Variants in ZKSCAN7 observed in about 807,000 individuals in gnomAD.
The protein encoded by ZKSCAN7 is zinc finger protein with KRAB and SCAN domains 7.
ZKSCAN7 carries 38 observed loss-of-function variants against 65.3 expected under a neutral mutation model. The ratio of observed to expected loss-of-function variants is 0.58; its 90% confidence interval spans 0.45 to 0.76. The LOEUF (loss-of-function observed/expected upper bound fraction) is 0.76, where lower values mean the gene tolerates loss of function less well. ZKSCAN7 is among the 30% of genes least tolerant of loss of function. ZKSCAN7 has a pLI of 0.00. For synonymous variants in ZKSCAN7, 321 were observed against 321.0 expected, an observed-to-expected ratio of 1.00 and a Z score of 0.00; for missense variants, 815 against 913.3, an observed-to-expected ratio of 0.89 and a Z score of 1.39.
Position 44,570,205 on chromosome 3 carries a change from T to C in ZKSCAN7, c.1095T>C (p.Pro365=), listed in dbSNP as rs1210673864. The C allele has an allele frequency of 1.2e-6, 2 of 1,614,214 alleles. No individual in the cohort carries two copies. Among genetic ancestry groups the C allele is most frequent in the Middle Eastern group, 1.6e-4 (1 of 6,062 alleles). ...DKYKEVGEHP[P]LSSSPVEHEG... ...ATAAGGAAGTTGGGGAACATCCACCTCTGTCTTCCAGTCCTGTTGAACATG... is the reference window on the plus strand; with the variant it reads ...ATAAGGAAGTTGGGGAACATCCACCCCTGTCTTCCAGTCCTGTTGAACATG... Residue 365 remains proline, a synonymous_variant, in exon 6 of 6, where the codon CCT becomes CCC. Transcript: ENST00000426540.
Position 44,569,968 on chromosome 3 carries a change from A to C in ZKSCAN7, c.858A>C (p.Glu286Asp), listed in dbSNP as rs749028763. Residue 286 changes from glutamate (E) to aspartate (D), a missense_variant, in exon 6 of 6, where the codon GAA becomes GAC. Physicochemically the swap from Glu to Asp is conservative, Grantham distance 45 (BLOSUM62 2). Around this residue, in one of 3 missense-constraint regions of ZKSCAN7, gnomAD observed 578 missense variants for 629.5 expected, o/e 0.92. Transcript: ENST00000426540. ...GTTCAGAGTTGACTCCAAAGCAGGA[A>C]TTTTTTAAAGGATCAGAGTCATCTA... The part of the protein sequence containing the change: ...MKGSELTPKQ[E>D]FFKGSESSNR... 23 of 1,573,780 alleles carry C rather than the reference A, an allele frequency of 1.5e-5. No individual in the cohort carries two copies. The highest frequency in any genetic ancestry group is 3.4e-4 in the Middle Eastern group (2 of 5,830).
intron 5 of ZKSCAN7, among the ~76,000 whole-genome samples, chr3:44,582,588 T>C (rs144286790): frequency 6.6e-6 from 1 of 152,300 alleles, no homozygotes; most frequent in East Asian, 1.9e-4. Context: ...ACACCCTGAT[T>C]TCTGAGCAGT....
rs199903785 is a variant in ZKSCAN7 at position 44,580,275 on chromosome 3, C to T, written c.812-2697C>T. 1,666 of 1,613,680 alleles carry T rather than the reference C, an allele frequency of 1.0e-3. 3 individuals carry two copies. The highest frequency in any genetic ancestry group is 1.3e-3 in the Non-Finnish European group (1,482 of 1,179,802). On this transcript the variant is annotated intron_variant, in intron 5 of 5. Coordinates refer to the ZKSCAN7 transcript ENST00000341840. ...CCGGACTTTGCGGCCACAGTCCATGCGGTCGCTACTCATGGCGCTCTCCTC... is the reference window on the plus strand; with the variant it reads ...CCGGACTTTGCGGCCACAGTCCATGTGGTCGCTACTCATGGCGCTCTCCTC...
At chr3:44,572,511 G>T (rs1699835748), downstream of ZKSCAN7, among the ~76,000 whole-genome samples, 1 of 151,882 alleles carries the variant, frequency 6.6e-6, no homozygotes, top group Admixed American at 6.6e-5. Flanking sequence ...GCTGATTCTA[G>T]TTCTGAATTT....
intron 5 of ZKSCAN7, chr3:44,579,803 G>A: frequency 6.2e-7 from 1 of 1,613,192 alleles, no homozygotes; most frequent in Non-Finnish European, 8.5e-7. Flanking sequence ...GCTTTGATCG[G>A]CGAGGACAAA....
At chr3:44,574,460 T>C (rs1321444958), downstream of ZKSCAN7, among the ~76,000 whole-genome samples, 1 of 152,218 alleles carries the variant, frequency 6.6e-6, no homozygotes, top group Non-Finnish European at 1.5e-5. Flanking sequence ...TCCAAAAATG[T>C]TGAGTAGTAG....
downstream of ZKSCAN7, among the ~76,000 whole-genome samples, chr3:44,577,087 C>G (rs1431048146): frequency 6.6e-6 from 1 of 151,970 alleles, no homozygotes; most frequent in Non-Finnish European, 1.5e-5. Context: ...CCTCAGCCTC[C>G]TGAGTAGTTA....
intron 2 of ZKSCAN7, chr3:44,557,721 G>C (rs1559422044): frequency 7.3e-6 from 4 of 550,338 alleles, no homozygotes; most frequent in Non-Finnish European, 9.4e-6. Context: ...GATTCGCATG[G>C]TACTCCTGGC....
chr3:44,557,176 G>A lies in ZKSCAN7; in HGVS notation c.129G>A (p.Gln43=). 1 of 1,614,268 alleles carries A rather than the reference G, an allele frequency of 6.2e-7. No individual in the cohort carries two copies. The highest frequency in any genetic ancestry group is 8.5e-7 in the Non-Finnish European group (1 of 1,180,046). ...NQTWGQGSSL[Q]KNYPPVCEIF... ...CCTGGGGGCAGGGCAGCAGTCTCCA[G>A]AAGAACTATCCTCCTGTCTGCGAAA... Residue 43 remains glutamine (Q), a synonymous_variant, in exon 2 of 6, where the codon CAG becomes CAA. Coordinates refer to ENST00000426540, the MANE Select transcript of ZKSCAN7 (RefSeq NM_001288590.2).
intron 2 of ZKSCAN7, 141 bp downstream of exon 2, chr3:44,557,611 T>C: frequency 8.4e-7 from 1 of 1,195,920 alleles, no homozygotes; most frequent in Non-Finnish European, 1.2e-6. Flanking sequence ...AGAGGGAAAA[T>C]AGTTTTGTGC....
chr3:44,580,497 A>G (rs1700046958), intron 5 of ZKSCAN7: 1 of 1,605,620 alleles, frequency 6.2e-7, no homozygotes, highest in Non-Finnish European at 8.5e-7. Flanking sequence ...GCTGGTGGTA[A>G]CAGCCACCTT....
intron 5 of ZKSCAN7, among the ~76,000 whole-genome samples, chr3:44,579,658 G>T (rs1049908762): frequency 6.6e-6 from 1 of 152,124 alleles, no homozygotes; most frequent in Non-Finnish European, 1.5e-5. Flanking sequence ...GGGTAAACTC[G>T]CCCTCCTTTG....
At chr3:44,581,059 G>A (rs77629753) in intron 5 of ZKSCAN7, 600,472 of 1,413,214 alleles carry the variant, frequency 0.42, 133,013 homozygotes, top group East Asian at 0.86. Flanking sequence ...GCGCAGGCCC[G>A]GCCGGCCTGG....
intron 2 of ZKSCAN7, among the ~76,000 whole-genome samples, chr3:44,563,854 C>G (rs1699554279): frequency 6.6e-6 from 1 of 152,186 alleles, no homozygotes; most frequent in Admixed American, 6.5e-5. Context: ...ACCCAGAGCT[C>G]CTGTATTGAA....
chr3:44,574,941 C>T (rs765316043), downstream of ZKSCAN7, among the ~76,000 whole-genome samples: 36 of 151,796 alleles, frequency 2.4e-4, no homozygotes, highest in Admixed American at 1.6e-3. Flanking sequence ...AAAAGAAAAA[C>T]AAAACAAAAC....
chr3:44,582,612 A>T (rs146562490), intron 5 of ZKSCAN7, among the ~76,000 whole-genome samples: 1 of 152,348 alleles, frequency 6.6e-6, no homozygotes, highest in East Asian at 1.9e-4. Context: ...ATTATACTTG[A>T]CTGAATGAAT....
At chr3:44,580,571 G>C (rs902369068) in intron 5 of ZKSCAN7, 5 of 1,613,812 alleles carry the variant, frequency 3.1e-6, no homozygotes, top group African/African-American at 1.3e-5. Context: ...GATTCTGCTT[G>C]TTGGTCCGGG....
chr3:44,569,168 C>A (rs1455446267), intron 5 of ZKSCAN7, among the ~76,000 whole-genome samples: 1 of 152,214 alleles, frequency 6.6e-6, no homozygotes, highest in Non-Finnish European at 1.5e-5. Flanking sequence ...AGGCTGAAGC[C>A]TAACCTACAA....
At chr3:44,563,708 A>G (rs1699550957) in intron 2 of ZKSCAN7, among the ~76,000 whole-genome samples, 1 of 149,966 alleles carries the variant, frequency 6.7e-6, no homozygotes, top group Non-Finnish European at 1.5e-5. Flanking sequence ...CCAATTCAAC[A>G]TGAGATTTGG....
Sources: gnomAD v4.1 joint callset for allele counts (sites outside exome capture counted in the v4.1 genomes callset) on GRCh38, gnomAD v4.1.1 for gene constraint, gnomAD v4.1.1 regional missense constraint, MANE v1.5 for transcripts, NCBI Gene and HGNC (gene_info 2026-07-23, HGNC 2026-07-21) for gene names.